Variants in TAOK3 observed in about 807,000 individuals in gnomAD.
TAOK3 encodes the protein TAO kinase 3, also known as serine/threonine-protein kinase TAO3.
A neutral mutation model predicts 120.4 loss-of-function variants in TAOK3; 40 were observed. The ratio of observed to expected loss-of-function variants is 0.33; its 90% confidence interval spans 0.26 to 0.43. The LOEUF (loss-of-function observed/expected upper bound fraction) is 0.43, where lower values mean the gene tolerates loss of function less well. Among genes scored for constraint, TAOK3 ranks in the 20% least tolerant of loss-of-function variants. The probability of loss-of-function intolerance (pLI) is 1.00; values close to 1 mark genes in which losing one functional copy is unlikely to be tolerated. For missense variants in TAOK3, 821 were observed against 1,112.1 expected (o/e 0.74, Z 3.72); for synonymous variants, 355 against 387.5 (o/e 0.92, Z 0.99).
intron 11 of TAOK3, among the ~76,000 whole-genome samples, chr12:118,208,775 G>A (rs750886843): frequency 4.0e-4 from 61 of 151,890 alleles, no homozygotes; most frequent in Non-Finnish European, 7.7e-4. Flanking sequence ...GCAGTGGCAC[G>A]ATCTCGGCTC....
chr12:118,244,827 C>G, intron 4 of TAOK3, 67 bp downstream of exon 4: 2 of 1,287,520 alleles, frequency 1.6e-6, no homozygotes, highest in Admixed American at 3.5e-5. Context: ...CGCGCCCGGC[C>G]AGAATTTTGT....
chr12:118,151,328 G>A (rs1046140980), intron 20 of TAOK3, among the ~76,000 whole-genome samples, 170 bp from the exon 21 acceptor site: 3 of 149,898 alleles, frequency 2.0e-5, no homozygotes, highest in Non-Finnish European at 2.9e-5. Context: ...CAGGAACTAC[G>A]GGAGGACCGA....
intron 1 of TAOK3, among the ~76,000 whole-genome samples, chr12:118,276,878 G>A (rs1195635379): frequency 2.0e-5 from 3 of 152,130 alleles, no homozygotes; most frequent in African/African-American, 2.4e-5. Context: ...GGTGGCTCAC[G>A]CCTATAGTCC....
At chr12:118,183,176 A>G (rs1401364042) in intron 14 of TAOK3, among the ~76,000 whole-genome samples, 1 of 152,172 alleles carries the variant, frequency 6.6e-6, no homozygotes, top group Non-Finnish European at 1.5e-5. Context: ...TCAAGCTGCT[A>G]TTAATTTTCT....
chr12:118,257,748 A>T (rs922222748), intron 2 of TAOK3, among the ~76,000 whole-genome samples: 1 of 152,212 alleles, frequency 6.6e-6, no homozygotes, highest in African/African-American at 2.4e-5. Context: ...AGGTGACAAC[A>T]TACATTACTT....
intron 1 of TAOK3, among the ~76,000 whole-genome samples, chr12:118,333,368 C>T (rs1183884453): frequency 6.6e-6 from 1 of 152,094 alleles, no homozygotes; most frequent in African/African-American, 2.4e-5. Flanking sequence ...GAAATTAACA[C>T]ATTTCTAAAC....
intron 2 of TAOK3, among the ~76,000 whole-genome samples, chr12:118,264,922 T>C (rs1385655955): frequency 6.6e-6 from 1 of 150,948 alleles, no homozygotes; most frequent in Admixed American, 6.6e-5. Flanking sequence ...TAATCCCAGC[T>C]AGTTGGGAGA....
intron 20 of TAOK3, 80 bp from the exon 21 acceptor site, chr12:118,151,238 C>G (rs1238279456): frequency 6.9e-7 from 1 of 1,454,622 alleles, no homozygotes; most frequent in African/African-American, 1.4e-5. Context: ...CCCATAGGCA[C>G]ACATATGACA....
chr12:118,255,550 C>A lies in TAOK3; in HGVS notation c.18G>T (p.Leu6=). MRKGV[L]KDPEIADLFY... is the part of the protein sequence containing the mutation. ...ATAGATCGGCAATCTCTGGGTCCTT[C>A]AGCACCCCTTTACGCATGATGGCCA... is the stretch of plus-strand genomic sequence containing the variant. The change falls in exon 3 of 21, where the codon CTG becomes CTT. Residue 6 remains leucine, a synonymous_variant. Transcript: ENST00000392533. 7 of 1,613,962 alleles carry A rather than the reference C, an allele frequency of 4.3e-6. No individual in the cohort carries two copies. Among genetic ancestry groups the A allele is most frequent in the Non-Finnish European group, 5.9e-6 (7 of 1,179,918 alleles).
chr12:118,288,915 C>CA lies in TAOK3; in HGVS notation c.-193-22157dup, dbSNP rs34740967. On this transcript the variant is annotated intron_variant, in intron 1 of 20. Transcript: ENST00000392533. Reference sequence around the variant, plus strand: ...TGGACAACAGAGCAAGACTCTATCTCAAAAAAAAAAAAAAAAAAAAGAAAG... The same window carrying CA: ...TGGACAACAGAGCAAGACTCTATCTCAAAAAAAAAAAAAAAAAAAAAGAAAG... Among the ~76,000 whole-genome samples the CA allele has an allele frequency of 3.5e-3, 331 of 94,128 alleles. 2 individuals carry two copies. Among genetic ancestry groups the CA allele is most frequent in the African/African-American group, 8.7e-3 (213 of 24,584 alleles). 61.8% of individuals were successfully genotyped at this position (94,128 alleles called of 152,430 possible). A position where few individuals can be genotyped will look rare whatever the true frequency, so the allele number is the denominator to read the frequency against.
chr12:118,193,703 C>T (rs546378137), intron 13 of TAOK3, among the ~76,000 whole-genome samples: 2 of 152,306 alleles, frequency 1.3e-5, no homozygotes, highest in Non-Finnish European at 2.9e-5. Context: ...CCCACCCCGG[C>T]CTTCCAAAGT....
chr12:118,223,645 A>ATTT (rs370848653), intron 9 of TAOK3, among the ~76,000 whole-genome samples: 5 of 135,856 alleles, frequency 3.7e-5, no homozygotes, highest in South Asian at 4.7e-4. Flanking sequence ...CGCACCCGGC[A>ATTT]TTTTTTTTTT....
rs73412929 is a variant in TAOK3, at chr12:118,177,437, C to G, written c.1567-108G>C. 6.4e-3 allele frequency: 4,305 copies of G among 668,786 alleles called. 141 individuals carry two copies. In the African/African-American group the frequency reaches 0.071, roughly 11 times the overall value. 41.4% of individuals were successfully genotyped at this position (668,786 alleles called of 1,614,324 possible). On this transcript the variant is annotated intron_variant, in intron 15 of 20. Coordinates refer to ENST00000392533, the MANE Select transcript of TAOK3 (RefSeq NM_016281.4). ...CAGTCCATGAGTGCTAATAATGAGACATTTTTGAACAAATATTAAAAAATA... is the reference window on the plus strand; with the variant it reads ...CAGTCCATGAGTGCTAATAATGAGAGATTTTTGAACAAATATTAAAAAATA...
At chr12:118,357,103 C>T (rs1473785597) in intron 1 of TAOK3, among the ~76,000 whole-genome samples, 1 of 152,194 alleles carries the variant, frequency 6.6e-6, no homozygotes, top group Non-Finnish European at 1.5e-5. Flanking sequence ...TAAGATACTT[C>T]TAAAAATAAC....
chr12:118,268,795 G>C (rs1357187898), intron 1 of TAOK3, among the ~76,000 whole-genome samples: 2 of 152,136 alleles, frequency 1.3e-5, no homozygotes, highest in African/African-American at 4.8e-5. Flanking sequence ...GATCACCTGA[G>C]GTCAGGAGTT....
intron 3 of TAOK3, among the ~76,000 whole-genome samples, chr12:118,249,833 C>T (rs2040673095): frequency 6.6e-6 from 1 of 151,924 alleles, no homozygotes; most frequent in African/African-American, 2.4e-5. Flanking sequence ...GACCCTGTCT[C>T]TAAATAAATG....
chr12:118,272,928 A>T (rs944924781), intron 1 of TAOK3, among the ~76,000 whole-genome samples: 1 of 152,024 alleles, frequency 6.6e-6, no homozygotes, highest in Non-Finnish European at 1.5e-5. Flanking sequence ...GTGAGCCGAG[A>T]TTGTGCCACT....
chr12:118,367,781 C>CG (rs1242898742), intron 1 of TAOK3, among the ~76,000 whole-genome samples: 7 of 148,306 alleles, frequency 4.7e-5, no homozygotes, highest in Non-Finnish European at 8.9e-5. Context: ...TTTTTTTTGG[C>CG]GGGGGGTGGG....
intron 3 of TAOK3, chr12:118,246,468 G>C (rs2040509750): frequency 1.3e-6 from 2 of 1,531,406 alleles, no homozygotes; most frequent in Admixed American, 3.5e-5. Flanking sequence ...GGCGTTTGTT[G>C]CTATCGGGGA....
Sources: allele counts gnomAD v4.1 joint callset (sites outside exome capture counted in the v4.1 genomes callset), GRCh38; gene constraint gnomAD v4.1.1; transcripts MANE v1.5; gene names NCBI Gene and HGNC (gene_info 2026-07-23, HGNC 2026-07-21).